Variants in ABI3BP observed in about 807,000 individuals in gnomAD.
The protein encoded by ABI3BP is target of Nesh-SH3.
In ABI3BP, 216 loss-of-function variants were observed where a neutral mutation model predicts 268.6. The observed-to-expected ratio is 0.80, with a 90% CI of 0.72 to 0.90. The LOEUF (loss-of-function observed/expected upper bound fraction) is 0.90, where lower values mean the gene tolerates loss of function less well. ABI3BP is among the 40% of genes least tolerant of loss of function. The pLI, the probability that ABI3BP is intolerant of heterozygous loss-of-function variation, is 0.00. For synonymous variants in ABI3BP, 730 were observed against 730.0 expected (o/e 1.00, Z 0.00); for missense variants, 2,090 against 2,182.4 (o/e 0.96, Z 0.84).
At chr3:100,906,941 T>G (rs975084639) in intron 2 of ABI3BP, among the ~76,000 whole-genome samples, 3 of 152,166 alleles carry the variant, frequency 2.0e-5, no homozygotes, top group African/African-American at 7.2e-5. Flanking sequence ...TATTAAAGTG[T>G]CCACAAAAGA....
In ABI3BP at chr3:100,922,908, C is replaced by T. The variant is rs538551430; in HGVS notation, c.259+3394G>A. On this transcript the variant is annotated intron_variant, in intron 2 of 67. Coordinates refer to ENST00000471714, the MANE Select transcript of ABI3BP (RefSeq NM_001375547.2). ...AGGAGCAATTAATGCAAATAAGTCA[C>T]GGAAGACTATAAATAACCAATTTAA... 1.1e-3 allele frequency among the ~76,000 whole-genome samples: 174 copies of T among 152,140 alleles called. 2 individuals are homozygous for T. Among genetic ancestry groups the T allele is most frequent in the African/African-American group, 4.0e-3 (166 of 41,506 alleles).
At chr3:100,834,634 T>C (rs1482648476) in intron 29 of ABI3BP, 50 bp downstream of exon 29, 2 of 1,507,982 alleles carry the variant, frequency 1.3e-6, no homozygotes, top group Non-Finnish European at 1.8e-6. Context: ...GCCACCCCCA[T>C]GCCACATCCA....
At chr3:100,871,987 C>T (rs2099114796) in intron 9 of ABI3BP, among the ~76,000 whole-genome samples, 1 of 152,110 alleles carries the variant, frequency 6.6e-6, no homozygotes, top group Non-Finnish European at 1.5e-5. Context: ...CAGGCATGTA[C>T]CATCATGCCT....
intron 59 of ABI3BP, among the ~76,000 whole-genome samples, chr3:100,776,776 C>G (rs2096717881): frequency 6.6e-6 from 1 of 152,164 alleles, no homozygotes; most frequent in African/African-American, 2.4e-5. Flanking sequence ...CTTCTTCAGG[C>G]TGGGTGGGCT....
chr3:100,872,120 A>G (rs991432179), intron 9 of ABI3BP, among the ~76,000 whole-genome samples: 1 of 152,226 alleles, frequency 6.6e-6, no homozygotes, highest in African/African-American at 2.4e-5. Flanking sequence ...CTGGGGTTAC[A>G]GGCATGAACC....
At chr3:100,843,633 G>C (rs766667553) in intron 20 of ABI3BP, 5 of 983,994 alleles carry the variant, frequency 5.1e-6, no homozygotes, top group Non-Finnish European at 4.8e-6. Context: ...GTGAGAGAGA[G>C]TGTGTGAGAA....
intron 62 of ABI3BP, among the ~76,000 whole-genome samples, chr3:100,767,893 G>A (rs780089519): frequency 6.6e-6 from 1 of 152,048 alleles, no homozygotes; most frequent in African/African-American, 2.4e-5. Context: ...AAAGGTTCAC[G>A]TGCTGCTAAA....
At chr3:100,940,982 G>A (rs1024118518) in intron 1 of ABI3BP, among the ~76,000 whole-genome samples, 14 of 148,664 alleles carry the variant, frequency 9.4e-5, no homozygotes, top group African/African-American at 3.5e-4. Context: ...AAAAAATTCT[G>A]ATTAAAATTA....
chr3:100,821,104 G>A lies in ABI3BP; in HGVS notation c.2897C>T (p.Ala966Val), dbSNP rs1462939380. Residue 966 changes from alanine to valine, a missense_variant, in exon 39 of 68, where the codon GCG becomes GTG. Ala to Val is a moderately conservative substitution (Grantham distance 64). Coordinates refer to ENST00000471714, the MANE Select transcript of ABI3BP (RefSeq NM_001375547.2). Reference sequence around the variant, plus strand: ...TCTGAGTGTAACAGGTTTGAGCTCCGCAGTAGGAACTGATCAAAAGCATTA... The same window carrying A: ...TCTGAGTGTAACAGGTTTGAGCTCCACAGTAGGAACTGATCAAAAGCATTA... ...EAPESKPVPTAELKPVTLRTE... is the reference protein window; with the variant it reads ...EAPESKPVPTVELKPVTLRTE... 9.8e-6 allele frequency: 15 copies of A among 1,535,712 alleles called. No homozygotes were observed. Among genetic ancestry groups the A allele is most frequent in the East Asian group, 4.9e-5 (2 of 40,896 alleles).
At chr3:100,854,750 A>G (rs1035856775) in intron 14 of ABI3BP, among the ~76,000 whole-genome samples, 10 of 152,268 alleles carry the variant, frequency 6.6e-5, no homozygotes, top group African/African-American at 2.4e-4. Flanking sequence ...AATGCAACAA[A>G]TAAAATAGAT....
At chr3:100,848,921 G>A (rs575053279) in intron 17 of ABI3BP, 46 bp from the exon 18 acceptor site, 1 of 1,542,796 alleles carries the variant, frequency 6.5e-7, no homozygotes, top group Admixed American at 1.7e-5. Flanking sequence ...ATTTTTCAGG[G>A]GTCAATCAGG....
intron 2 of ABI3BP, among the ~76,000 whole-genome samples, chr3:100,921,440 A>G (rs1583449452): frequency 1.3e-5 from 2 of 152,126 alleles, no homozygotes; most frequent in African/African-American, 4.8e-5. Context: ...TAGCAAAATT[A>G]CTAGCAGCTG....
intron 9 of ABI3BP, among the ~76,000 whole-genome samples, chr3:100,867,241 CA>C (rs5851229): frequency 0.58 from 87,344 of 151,812 alleles, 25,545 homozygotes; most frequent in Admixed American, 0.63. Flanking sequence ...GGATACATCT[CA>C]AAGTCATCTG....
At chr3:100,846,938 G>A (rs954460332) in intron 19 of ABI3BP, among the ~76,000 whole-genome samples, 1 of 152,006 alleles carries the variant, frequency 6.6e-6, no homozygotes, top group Non-Finnish European at 1.5e-5. Flanking sequence ...CCCTCACCTA[G>A]GTATTAAGAC....
At chr3:100,864,190 A>G (rs1001429602) in intron 11 of ABI3BP, 114 bp from the exon 12 acceptor site, 5 of 711,394 alleles carry the variant, frequency 7.0e-6, no homozygotes, top group East Asian at 5.4e-5. Flanking sequence ...CAGAGCAGCC[A>G]ATACCTTTAA....
At chr3:100,990,378 A>C (rs66852780) in intron 1 of ABI3BP, among the ~76,000 whole-genome samples, 15,696 of 152,072 alleles carry the variant, frequency 0.1, 1,094 homozygotes, top group Non-Finnish European at 0.15. Flanking sequence ...TAACAAAAAT[A>C]AATAATTTGA....
chr3:100,759,897 G>A (rs1423620194), intron 63 of ABI3BP, among the ~76,000 whole-genome samples: 1 of 152,196 alleles, frequency 6.6e-6, no homozygotes, highest in East Asian at 1.9e-4. Flanking sequence ...CCCATAAGAA[G>A]AGATGTTGAG....
At chr3:100,909,928 A>C (rs925142038) in intron 2 of ABI3BP, among the ~76,000 whole-genome samples, 2 of 152,240 alleles carry the variant, frequency 1.3e-5, no homozygotes, top group Non-Finnish European at 2.9e-5. Context: ...GTATATGCCC[A>C]AAAGAATTAT....
intron 18 of ABI3BP, among the ~76,000 whole-genome samples, 189 bp from the exon 19 acceptor site, chr3:100,847,862 C>A (rs2098790807): frequency 6.6e-6 from 1 of 152,136 alleles, no homozygotes; most frequent in Non-Finnish European, 1.5e-5. Flanking sequence ...TTACATTTAT[C>A]TTATAATGGA....
Sources: gnomAD v4.1 joint callset for allele counts (sites outside exome capture counted in the v4.1 genomes callset) on GRCh38, gnomAD v4.1.1 for gene constraint, MANE v1.5 for transcripts, NCBI Gene and HGNC (gene_info 2026-07-23, HGNC 2026-07-21) for gene names.